ERC2: variants seen among roughly 807,000 people sequenced by gnomAD.
ERC2 encodes ELKS/RAB6-interacting/CAST family member 2.
In ERC2, 42 loss-of-function variants were observed where a neutral mutation model predicts 114.8. The observed-to-expected ratio is 0.37, with a 90% confidence interval of 0.29 to 0.47. The LOEUF is 0.47. ERC2 is among the 20% of genes least tolerant of loss of function. ERC2 has a pLI of 0.99. For synonymous variants in ERC2, 454 were observed against 425.5 expected (o/e 1.07, Z -0.82); for missense variants, 939 against 1,150.7 (o/e 0.82, Z 2.66).
At chr3:56,041,200 G>A (rs1002777061) in intron 7 of ERC2, among the ~76,000 whole-genome samples, 10 of 151,954 alleles carry the variant, frequency 6.6e-5, no homozygotes, top group African/African-American at 2.4e-4. Context: ...TTAAGAGGTG[G>A]GGTTTTTTTC....
At chr3:55,754,859 G>A (rs2066948409) in intron 14 of ERC2, among the ~76,000 whole-genome samples, 1 of 152,028 alleles carries the variant, frequency 6.6e-6, no homozygotes, top group South Asian at 2.1e-4. Context: ...AAAAGCTAAA[G>A]TATCTATAAC....
At chr3:56,468,075 C>T (rs552910648) in intron 1 of ERC2, among the ~76,000 whole-genome samples, 173 bp downstream of exon 1, 50 of 147,856 alleles carry the variant, frequency 3.4e-4, no homozygotes, top group African/African-American at 1.1e-3. Context: ...CCCCATCCCT[C>T]CCCCCGCCCA....
At chr3:56,145,645 A>G (rs1160077594) in intron 5 of ERC2, among the ~76,000 whole-genome samples, 1 of 152,180 alleles carries the variant, frequency 6.6e-6, no homozygotes, top group Non-Finnish European at 1.5e-5. Context: ...AGGACTTGCA[A>G]GATGCCAGGA....
intron 17 of ERC2, among the ~76,000 whole-genome samples, chr3:55,512,632 T>C (rs1575427969): frequency 6.6e-6 from 1 of 150,572 alleles, no homozygotes; most frequent in East Asian, 1.9e-4. Context: ...AGATGAAAAA[T>C]AATTACAGTG....
At chr3:55,520,359 C>G (rs1049017161) in intron 17 of ERC2, among the ~76,000 whole-genome samples, 2 of 148,012 alleles carry the variant, frequency 1.4e-5, no homozygotes, top group African/African-American at 5.0e-5. Flanking sequence ...TTGTTTGAAC[C>G]CAGGAGGCCG....
At chr3:55,512,152 A>G (rs1272923279) in intron 17 of ERC2, among the ~76,000 whole-genome samples, 2 of 152,216 alleles carry the variant, frequency 1.3e-5, no homozygotes, top group African/African-American at 4.8e-5. Context: ...GTTGATATGC[A>G]GCATTTTTCG....
chr3:56,235,056 G>A (rs1006757342), intron 3 of ERC2, among the ~76,000 whole-genome samples: 3 of 152,142 alleles, frequency 2.0e-5, no homozygotes, highest in South Asian at 2.1e-4. Flanking sequence ...AATGCTTCCC[G>A]ATCTCTTTAG....
At chr3:55,788,371 A>C (rs868126023) in intron 14 of ERC2, among the ~76,000 whole-genome samples, 3 of 152,298 alleles carry the variant, frequency 2.0e-5, no homozygotes, top group African/African-American at 4.8e-5. Context: ...TGTGCTAGGA[A>C]AGGGCCTATG....
rs535431213 is a variant in ERC2, at chr3:56,250,524, G to T, written c.1074+45495C>A. On this transcript the variant is annotated intron_variant, in intron 3 of 17. Coordinates refer to ENST00000288221, the MANE Select transcript of ERC2 (RefSeq NM_015576.3). ...ATTGAAAGAGCAAGATGACACGCTC[G>T]CTTCAGCAGTACGTACACCAAAACT... Among the ~76,000 whole-genome samples the T allele has an allele frequency of 1.5e-3, 223 of 152,300 alleles. 2 individuals carry two copies. The highest frequency in any genetic ancestry group is 5.3e-3 in the African/African-American group (219 of 41,574).
chr3:55,816,635 C>T (rs1342081917), intron 14 of ERC2, among the ~76,000 whole-genome samples: 3 of 152,140 alleles, frequency 2.0e-5, no homozygotes, highest in Non-Finnish European at 4.4e-5. Flanking sequence ...GCACATAATT[C>T]CCATTGTTTT....
At chr3:56,434,116 A>AC (rs1394875090) in intron 2 of ERC2, 1 of 495,522 alleles carries the variant, frequency 2.0e-6, no homozygotes, top group African/African-American at 1.9e-5. Flanking sequence ...TCCCCACCCC[A>AC]CCCCTCTCCC....
At chr3:55,598,684 C>CATT (rs762809149) in intron 17 of ERC2, among the ~76,000 whole-genome samples, 8 of 152,238 alleles carry the variant, frequency 5.3e-5, no homozygotes, top group Non-Finnish European at 1.2e-4. Flanking sequence ...TGATTAAATC[C>CATT]ATTCCTCCCT....
At chr3:56,032,608 A>G (rs1232988481) in intron 7 of ERC2, among the ~76,000 whole-genome samples, 1 of 152,092 alleles carries the variant, frequency 6.6e-6, no homozygotes, top group Non-Finnish European at 1.5e-5. Flanking sequence ...CTCAAAAGTC[A>G]AAAACAAAGA....
intron 2 of ERC2, among the ~76,000 whole-genome samples, chr3:56,340,871 A>G (rs1325073178): frequency 6.6e-6 from 1 of 152,190 alleles, no homozygotes; most frequent in Non-Finnish European, 1.5e-5. Flanking sequence ...ACAAGAAAAC[A>G]GTAAAAGGAG....
At chr3:55,650,199 C>T (rs115966296) in intron 17 of ERC2, among the ~76,000 whole-genome samples, 159 of 152,310 alleles carry the variant, frequency 1.0e-3, no homozygotes, top group African/African-American at 3.6e-3. Context: ...CACCCCACCA[C>T]GGTGATTGTC....
chr3:56,423,063 C>A (rs2107250221), intron 2 of ERC2, among the ~76,000 whole-genome samples: 1 of 152,330 alleles, frequency 6.6e-6, no homozygotes, highest in South Asian at 2.1e-4. Flanking sequence ...CAAATGTCTA[C>A]TTCTAAAAGA....
intron 17 of ERC2, chr3:55,610,506 A>AACACAC (rs1162337654): frequency 0.17 from 23,689 of 137,102 alleles, 2,173 homozygotes; most frequent in East Asian, 0.24. Context: ...TCTACGGAAA[A>AACACAC]ACACACACAC....
At chr3:56,333,153 T>G (rs1465929938) in intron 2 of ERC2, among the ~76,000 whole-genome samples, 1 of 152,222 alleles carries the variant, frequency 6.6e-6, no homozygotes, top group Non-Finnish European at 1.5e-5. Context: ...ATTAATGTCT[T>G]ACATTTCTTA....
Position 55,878,774 on chromosome 3 carries a change from G to A in ERC2, c.2564+9615C>T, listed in dbSNP as rs372529297. On this transcript the variant is annotated intron_variant, in intron 14 of 17. Coordinates refer to ENST00000288221, the MANE Select transcript of ERC2 (RefSeq NM_015576.3). ...TAATCCCATCCCCCAAAGTCTGCAT[G>A]CACTGGATAGCATATATGCCTGGGC... Among the ~76,000 whole-genome samples the A allele has an allele frequency of 1.2e-4, 18 of 152,274 alleles. 1 individual carries two copies. In the South Asian group the frequency reaches 3.7e-3, roughly 32 times the overall value.
Sources: gnomAD v4.1 joint callset for allele counts (sites outside exome capture counted in the v4.1 genomes callset) on GRCh38, gnomAD v4.1.1 for gene constraint, MANE v1.5 for transcripts, NCBI Gene and HGNC (gene_info 2026-07-23, HGNC 2026-07-21) for gene names.